The following TMEM200A variants were observed in gnomAD, a reference collection of about 807,000 sequenced individuals.
TMEM200A encodes two transmembrane C.
In TMEM200A, 12 loss-of-function variants were observed where a neutral mutation model predicts 24.3. The ratio of observed to expected loss-of-function variants is 0.49; its 90% confidence interval spans 0.32 to 0.80. TMEM200A has a LOEUF of 0.80. Among genes scored for constraint, TMEM200A ranks in the 30% least tolerant of loss-of-function variants. The pLI is 0.04. For synonymous variants in TMEM200A, 224 were observed against 224.4 expected (o/e 1.00, Z 0.02); for missense variants, 545 against 614.4 (o/e 0.89, Z 1.19).
At chr6:130,408,478 G>A (rs913545432) in intron 2 of TMEM200A, among the ~76,000 whole-genome samples, 3 of 152,190 alleles carry the variant, frequency 2.0e-5, no homozygotes, top group Admixed American at 1.3e-4. Flanking sequence ...GATTTGGCAT[G>A]TGTTGCATCT....
At chr6:130,430,596 C>T (rs1354434928) in intron 2 of TMEM200A, among the ~76,000 whole-genome samples, 1 of 152,016 alleles carries the variant, frequency 6.6e-6, no homozygotes, top group Non-Finnish European at 1.5e-5. Flanking sequence ...AATACGTTTA[C>T]CATTAAGGTT....
At chr6:130,387,246 A>G (rs1778731277) in intron 2 of TMEM200A, among the ~76,000 whole-genome samples, 1 of 152,156 alleles carries the variant, frequency 6.6e-6, no homozygotes, top group African/African-American at 2.4e-5. Context: ...TTGTAGCAGA[A>G]TGGATATTTT....
chr6:130,408,270 G>T (rs1035467449), intron 2 of TMEM200A, among the ~76,000 whole-genome samples: 3 of 152,276 alleles, frequency 2.0e-5, no homozygotes, highest in South Asian at 2.1e-4. Flanking sequence ...GAGCATTCTG[G>T]GTTTTCTGCC....
At chr6:130,435,482 G>A (rs1179474365) in intron 2 of TMEM200A, among the ~76,000 whole-genome samples, 3 of 152,140 alleles carry the variant, frequency 2.0e-5, no homozygotes, top group Non-Finnish European at 1.5e-5. Context: ...TCAATGCCAG[G>A]TGTCCATTTT....
At chr6:130,368,008 G>T (rs867182179) in intron 1 of TMEM200A, among the ~76,000 whole-genome samples, 45 of 152,340 alleles carry the variant, frequency 3.0e-4, no homozygotes, top group African/African-American at 1.1e-3. Context: ...TGCCTTTGAG[G>T]CAGGTCTAGG....
chr6:130,366,245 C>T lies in TMEM200A; in HGVS notation c.-360C>T, dbSNP rs1778141387. Reference sequence around the variant, plus strand: ...TGCCCCGAGGCCTCCGGTGCCCCCCCGGCGCGGGCATAGGGGCGCCCCCAC... The same window carrying T: ...TGCCCCGAGGCCTCCGGTGCCCCCCTGGCGCGGGCATAGGGGCGCCCCCAC... On this transcript the variant is annotated 5_prime_UTR_variant, in exon 1 of 3. Transcript: ENST00000296978. This position sits in a 1 kb window ranked among gnomAD's most constrained non-coding sequence, Gnocchi z 4.4. 4 of 985,296 alleles carry T rather than the reference C, an allele frequency of 4.1e-6. No homozygotes were observed. The highest frequency in any genetic ancestry group is 1.7e-5 in the African/African-American group (1 of 57,220). The allele number at this position is 985,296 out of a possible 1,614,324, so 61.0% of individuals were successfully genotyped here. A position where few individuals can be genotyped will look rare whatever the true frequency, so the allele number is the denominator to read the frequency against.
chr6:130,440,689 T>G lies in TMEM200A; in HGVS notation c.267T>G (p.His89Gln). Residue 89 changes from histidine to glutamine, a missense_variant, in exon 3 of 3, where the codon CAT becomes CAG. His to Gln is a conservative substitution (Grantham distance 24). Transcript: ENST00000296978. ...AVLGYWPQKEHFIDAETTLST... is the reference protein window; with the variant it reads ...AVLGYWPQKEQFIDAETTLST... ...TTGGATATTGGCCCCAAAAAGAACA[T>G]TTTATTGATGCTGAAACAACACTGT... 6.2e-7 allele frequency: 1 copy of G among 1,614,078 alleles called. No homozygotes were observed. Among genetic ancestry groups the G allele is most frequent in the African/African-American group, 1.3e-5 (1 of 75,060 alleles).
intron 2 of TMEM200A, among the ~76,000 whole-genome samples, chr6:130,419,527 A>C (rs957139143): frequency 1.3e-5 from 2 of 152,150 alleles, no homozygotes; most frequent in Non-Finnish European, 2.9e-5. Flanking sequence ...ACTAATTTAC[A>C]TTCTTACTGA....
At chr6:130,425,601 A>AAGAC (rs757220290) in intron 2 of TMEM200A, among the ~76,000 whole-genome samples, 7 of 152,218 alleles carry the variant, frequency 4.6e-5, no homozygotes, top group South Asian at 4.1e-4. Context: ...TTTCATTTTG[A>AAGAC]AGACACAGCC....
intron 1 of TMEM200A, among the ~76,000 whole-genome samples, chr6:130,383,512 C>T (rs1778649017): frequency 6.6e-6 from 1 of 152,198 alleles, no homozygotes; most frequent in Non-Finnish European, 1.5e-5. Flanking sequence ...TAGCCATCTT[C>T]ACTCAGCTGT....
At chr6:130,426,230 C>A (rs1451716609) in intron 2 of TMEM200A, among the ~76,000 whole-genome samples, 1 of 152,122 alleles carries the variant, frequency 6.6e-6, no homozygotes, top group African/African-American at 2.4e-5. Context: ...CTACCTCGCC[C>A]AGCTCCAGCC....
chr6:130,365,926 C>G, upstream of TMEM200A: 1 of 985,592 alleles, frequency 1.0e-6, no homozygotes, highest in Non-Finnish European at 1.2e-6. Context: ...GGGTCGCAGG[C>G]GCGCAGCCAC....
chr6:130,405,618 G>A (rs1472133317), intron 2 of TMEM200A, among the ~76,000 whole-genome samples: 1 of 152,144 alleles, frequency 6.6e-6, no homozygotes, highest in Non-Finnish European at 1.5e-5. Context: ...ACTTTCCTCT[G>A]GGAACTGGGT....
chr6:130,412,385 G>C (rs115922843), intron 2 of TMEM200A, among the ~76,000 whole-genome samples: 3 of 152,036 alleles, frequency 2.0e-5, no homozygotes, highest in Admixed American at 1.3e-4. Flanking sequence ...GATTCCCTGC[G>C]TGGCTGTGCT....
chr6:130,381,195 C>A (rs1192886360), intron 1 of TMEM200A, among the ~76,000 whole-genome samples: 1 of 152,140 alleles, frequency 6.6e-6, no homozygotes, highest in Non-Finnish European at 1.5e-5. Flanking sequence ...AGTCCTTTGG[C>A]ATCTTTCTCT....
intron 2 of TMEM200A, among the ~76,000 whole-genome samples, chr6:130,423,732 C>A (rs1281971892): frequency 3.3e-5 from 5 of 152,042 alleles, no homozygotes; most frequent in African/African-American, 1.2e-4. Flanking sequence ...AGAGAAAAAA[C>A]ACCAGAAATT....
intron 2 of TMEM200A, among the ~76,000 whole-genome samples, chr6:130,401,174 T>G (rs1017123840): frequency 1.3e-4 from 20 of 152,048 alleles, no homozygotes; most frequent in African/African-American, 4.8e-4. Context: ...TACCTCAGAG[T>G]GCCACCTCAC....
intron 1 of TMEM200A, chr6:130,382,036 C>G: frequency 1.1e-6 from 1 of 892,298 alleles, no homozygotes; most frequent in Non-Finnish European, 1.3e-6. Flanking sequence ...ATCTGGGCTA[C>G]TTATGATTCA....
intron 2 of TMEM200A, among the ~76,000 whole-genome samples, chr6:130,390,171 A>C (rs1778803111): frequency 1.3e-5 from 2 of 152,234 alleles, no homozygotes; most frequent in Non-Finnish European, 2.9e-5. Context: ...TTCACTTACT[A>C]AATCTCAGGA....
Sources: gnomAD v4.1 joint callset for allele counts (sites outside exome capture counted in the v4.1 genomes callset) on GRCh38, gnomAD v4.1.1 for gene constraint, Gnocchi (gnomAD v3.1) non-coding constraint, MANE v1.5 for transcripts, NCBI Gene and HGNC (gene_info 2026-07-23, HGNC 2026-07-21) for gene names.